PROSER2: variants seen among roughly 807,000 people sequenced by gnomAD.
The protein encoded by PROSER2 is proline and serine rich 2, also known as proline and serine-rich protein 2.
A neutral mutation model predicts 14.6 loss-of-function variants in PROSER2; 18 were observed. That is an observed-to-expected ratio of 1.23 (90% CI 0.85 to 1.83). PROSER2 has a LOEUF of 1.83. Ranked by LOEUF, PROSER2 falls within the 40% of genes most tolerant of loss-of-function variation. PROSER2 has a pLI of 0.00. For missense variants in PROSER2, 823 were observed against 629.8 expected (o/e 1.31, Z -3.28); for synonymous variants, 367 against 286.4 (o/e 1.28, Z -2.84).
chr10:11,826,550 CCG>C (rs1299092088), intron 1 of PROSER2, among the ~76,000 whole-genome samples: 1 of 152,106 alleles, frequency 6.6e-6, no homozygotes, highest in Non-Finnish European at 1.5e-5. Context: ...TTATTTTCCC[CCG>C]CCTTTTTATT....
chr10:11,824,314 A>G lies in PROSER2; in HGVS notation c.-82+844A>G, dbSNP rs540756497. Among the ~76,000 whole-genome samples the G allele has an allele frequency of 1.6e-3, 246 of 152,332 alleles. 2 individuals carry two copies. The highest frequency in any genetic ancestry group is 6.8e-3 in the Middle Eastern group (2 of 294). On this transcript the variant is annotated intron_variant, in intron 1 of 3. Coordinates refer to ENST00000277570, the MANE Select transcript of PROSER2 (RefSeq NM_153256.4). ...AGGAAGAAGGTTCTTTCTGGCTCCA[A>G]TTTTAACGGAGAACATTTTTTAAAA...
chr10:11,870,455 G>C lies in PROSER2; in HGVS notation c.*49G>C. The stretch of plus-strand genomic sequence containing the variant: ...CCCGTTTCTCCCCACCCTGAAGAGA[G>C]GGTGAAAGAGTCGCTGCACCCAGGA... On this transcript the variant is annotated 3_prime_UTR_variant, in exon 4 of 4. Transcript: ENST00000277570. 1 of 1,368,508 alleles carries C rather than the reference G, an allele frequency of 7.3e-7. No individual in the cohort carries two copies. Among genetic ancestry groups the C allele is most frequent in the Non-Finnish European group, 9.6e-7 (1 of 1,045,556 alleles). The allele number at this position is 1,368,508 out of a possible 1,614,324, so 84.8% of individuals were successfully genotyped here.
At position 11,838,415 on chromosome 10, in the gene PROSER2, T is replaced by A. The variant is rs561511791; in HGVS notation, c.-81-13582T>A. Reference sequence around the variant, plus strand: ...CACGTTTCTACTTATAGAAAGTTCATGGTAGGCGAAGAACCTGGACTGCCA... The same window carrying A: ...CACGTTTCTACTTATAGAAAGTTCAAGGTAGGCGAAGAACCTGGACTGCCA... On this transcript the variant is annotated intron_variant, in intron 1 of 3. Transcript: ENST00000277570. The surrounding 1 kb of genome is among the most constrained non-coding windows in gnomAD (Gnocchi z 4.4). Among the ~76,000 whole-genome samples the A allele has an allele frequency of 6.6e-6, 1 of 152,264 alleles. No homozygotes were observed. Among genetic ancestry groups the A allele is most frequent in the Non-Finnish European group, 1.5e-5 (1 of 68,046 alleles).
intron 1 of PROSER2, among the ~76,000 whole-genome samples, chr10:11,840,945 AAAAAAAAAAAATATATATAT>A (rs1833832405): frequency 2.0e-5 from 1 of 50,288 alleles, no homozygotes; most frequent in Non-Finnish European, 3.6e-5. Flanking sequence ...AAAAAAAAAA[AAAAAAAAAAAATATATATAT>A]ATATATATAT....
intron 1 of PROSER2, among the ~76,000 whole-genome samples, chr10:11,826,938 G>C (rs1423497298): frequency 6.8e-6 from 1 of 146,206 alleles, no homozygotes; most frequent in Non-Finnish European, 1.5e-5. Context: ...AGGCTGGAGT[G>C]CAGTGGCACG....
At chr10:11,845,010 T>G (rs571767547) in intron 1 of PROSER2, among the ~76,000 whole-genome samples, 9 of 152,348 alleles carry the variant, frequency 5.9e-5, no homozygotes, top group East Asian at 1.9e-4. Context: ...TTAGGTTTTT[T>G]GGGGGATTTT....
chr10:11,840,711 G>C (rs1293807481), intron 1 of PROSER2, among the ~76,000 whole-genome samples: 2 of 151,698 alleles, frequency 1.3e-5, no homozygotes, highest in East Asian at 1.9e-4. Flanking sequence ...ATCACCCTGA[G>C]GTCAGGGGTT....
intron 1 of PROSER2, among the ~76,000 whole-genome samples, chr10:11,829,325 C>T (rs1833658829): frequency 1.3e-5 from 2 of 151,356 alleles, no homozygotes; most frequent in Non-Finnish European, 2.9e-5. Context: ...TAGATCATGC[C>T]TGTAATCCCA....
At chr10:11,868,933 G>A (rs536400872) in intron 3 of PROSER2, among the ~76,000 whole-genome samples, 3 of 152,270 alleles carry the variant, frequency 2.0e-5, no homozygotes, top group Admixed American at 1.3e-4. Flanking sequence ...TTACAGGTGC[G>A]AGCCACCGCG....
rs1467010336 is a variant in PROSER2, at chr10:11,870,262, G to A, written c.1164G>A (p.Gln388=). Residue 388 remains glutamine, a synonymous_variant, in exon 4 of 4, where the codon CAG becomes CAA. Coordinates refer to ENST00000277570, the MANE Select transcript of PROSER2 (RefSeq NM_153256.4). ...RARQSFPGPR[Q]PNGAQDWRRA... is the part of the protein sequence containing the mutation. ...GTCAGAGCTTCCCCGGGCCCCGGCA[G>A]CCCAACGGCGCCCAGGACTGGCGCC... 2 of 1,487,866 alleles carry A rather than the reference G, an allele frequency of 1.3e-6. No individual in the cohort carries two copies. Among genetic ancestry groups the A allele is most frequent in the African/African-American group, 1.5e-5 (1 of 68,102 alleles). 92.2% of individuals were successfully genotyped at this position (1,487,866 alleles called of 1,614,324 possible).
chr10:11,869,281 T>TC lies in PROSER2; in HGVS notation c.392-206dup. On this transcript the variant is annotated intron_variant, in intron 3 of 3. Coordinates refer to ENST00000277570, the MANE Select transcript of PROSER2 (RefSeq NM_153256.4). The surrounding 1 kb of genome is among the most constrained non-coding windows in gnomAD (Gnocchi z 4.4). ...CTGACTTGCAGGGCTATCGTGATTG[T>TC]CCCTTATCAGCGTGAGGTCATGAGC... 1.7e-6 allele frequency: 1 copy of TC among 600,050 alleles called. No homozygotes were observed. Among genetic ancestry groups the TC allele is most frequent in the Non-Finnish European group, 3.0e-6 (1 of 336,140 alleles). 37.2% of individuals were successfully genotyped at this position (600,050 alleles called of 1,614,324 possible).
chr10:11,838,374 C>T lies in PROSER2; in HGVS notation c.-81-13623C>T, dbSNP rs542046029. On this transcript the variant is annotated intron_variant, in intron 1 of 3. Transcript: ENST00000277570. The surrounding 1 kb of genome is among the most constrained non-coding windows in gnomAD (Gnocchi z 4.4). ...CTGATCTAACTGATGTGCAGTATTC[C>T]GTAGTAAGCATTTACCACGTTTCTA... Among the ~76,000 whole-genome samples the T allele has an allele frequency of 4.0e-4, 61 of 152,310 alleles. No individual in the cohort carries two copies. Among genetic ancestry groups the T allele is most frequent in the Non-Finnish European group, 6.9e-4 (47 of 68,032 alleles).
rs757790342 is a variant in PROSER2 at position 11,869,896 on chromosome 10, G to T, written c.798G>T (p.Glu266Asp). 2.5e-6 allele frequency: 4 copies of T among 1,588,602 alleles called. No homozygotes were observed. In the Admixed American group the frequency reaches 7.0e-5, roughly 28 times the overall value. The change falls in exon 4 of 4, where the codon GAG becomes GAT. Residue 266 changes from glutamate to aspartate, a missense_variant. By Grantham distance (45) the Glu-to-Asp change is conservative. Coordinates refer to ENST00000277570, the MANE Select transcript of PROSER2 (RefSeq NM_153256.4). This position sits in a 1 kb window ranked among gnomAD's most constrained non-coding sequence, Gnocchi z 4.4. Reference sequence around the variant, plus strand: ...TCGTCACCAACGGCGCGGCCCGGGAGCCCCGCAGGACCCTGTCCAGGGCGG... The same window carrying T: ...TCGTCACCAACGGCGCGGCCCGGGATCCCCGCAGGACCCTGTCCAGGGCGG... ...NIIVTNGAAR[E>D]PRRTLSRAAV...
intron 2 of PROSER2, among the ~76,000 whole-genome samples, chr10:11,854,704 T>G (rs1018820686): frequency 1.3e-5 from 2 of 152,058 alleles, no homozygotes; most frequent in African/African-American, 4.8e-5. Flanking sequence ...ATTACAGGCA[T>G]GTGTCACCAT....
intron 1 of PROSER2, among the ~76,000 whole-genome samples, chr10:11,829,733 G>A (rs1373423361): frequency 1.3e-5 from 2 of 151,896 alleles, no homozygotes; most frequent in Non-Finnish European, 2.9e-5. Flanking sequence ...TGTTGCATGA[G>A]CTCCTGCTAA....
At position 11,869,994 on chromosome 10, in the gene PROSER2, CGGGGGACGCCGGCGA is replaced by C. The variant is rs1489316778; in HGVS notation, c.902_916del (p.Asp301_Gly305del). The C allele has an allele frequency of 4.8e-6, 6 of 1,259,968 alleles. No individual in the cohort carries two copies. The highest frequency in any genetic ancestry group is 6.0e-6 in the Non-Finnish European group (6 of 1,004,966). 78.0% of individuals were successfully genotyped at this position (1,259,968 alleles called of 1,614,324 possible). ...GGCCACGCCGGCGCCTTCCCCGCCG[CGGGGGACGCCGGCGA>C]GGGGGCCCCAGGGGGCGGCTCCTCC... On this transcript the variant is annotated inframe_deletion, in exon 4 of 4. Coordinates refer to ENST00000277570, the MANE Select transcript of PROSER2 (RefSeq NM_153256.4). The surrounding 1 kb of genome is among the most constrained non-coding windows in gnomAD (Gnocchi z 4.4).
At chr10:11,858,212 G>T (rs1053202477) in intron 2 of PROSER2, among the ~76,000 whole-genome samples, 1 of 152,158 alleles carries the variant, frequency 6.6e-6, no homozygotes, top group African/African-American at 2.4e-5. Context: ...TTACAGGCAT[G>T]AGCCACCACG....
At chr10:11,844,741 T>A (rs1301037658) in intron 1 of PROSER2, among the ~76,000 whole-genome samples, 1 of 152,098 alleles carries the variant, frequency 6.6e-6, no homozygotes, top group Non-Finnish European at 1.5e-5. Context: ...CCCACCCTAG[T>A]CTCTCGAGTA....
Position 11,830,212 on chromosome 10 carries a change from C to T in PROSER2, c.-82+6742C>T, listed in dbSNP as rs550531327. 6.6e-6 allele frequency among the ~76,000 whole-genome samples: 1 copy of T among 152,220 alleles called. No individual in the cohort carries two copies. The highest frequency in any genetic ancestry group is 2.1e-4 in the South Asian group (1 of 4,828). ...TCCCACCTTTTGGAGTCTCCCGTGT[C>T]CATTATTTCACTCTGTGCATTTATG... On this transcript the variant is annotated intron_variant, in intron 1 of 3. Coordinates refer to ENST00000277570, the MANE Select transcript of PROSER2 (RefSeq NM_153256.4). This position sits in a 1 kb window ranked among gnomAD's most constrained non-coding sequence, Gnocchi z 4.5.
Sources: allele counts gnomAD v4.1 joint callset (sites outside exome capture counted in the v4.1 genomes callset), GRCh38; gene constraint gnomAD v4.1.1; non-coding constraint Gnocchi (gnomAD v3.1); transcripts MANE v1.5; gene names NCBI Gene and HGNC (gene_info 2026-07-23, HGNC 2026-07-21).